Variants in NWD2 observed in about 807,000 individuals in gnomAD.
NWD2 encodes the protein NACHT and WD repeat domain containing 2.
In NWD2, 37 loss-of-function variants were observed where a neutral mutation model predicts 132.7. That is an observed-to-expected ratio of 0.28 (90% confidence interval 0.21 to 0.37). The LOEUF (loss-of-function observed/expected upper bound fraction) is 0.37. Ranked by LOEUF, NWD2 falls within the 10% of genes least tolerant of loss-of-function variation. NWD2 has a pLI of 1.00. For synonymous variants in NWD2, 705 were observed against 803.0 expected, an observed-to-expected ratio of 0.88 and a Z score of 2.06; for missense variants, 1,592 against 2,122.4, an observed-to-expected ratio of 0.75 and a Z score of 4.91.
chr4:37,294,268 A>T (rs904998874), intron 1 of NWD2, among the ~76,000 whole-genome samples: 14 of 152,292 alleles, frequency 9.2e-5, no homozygotes, highest in Non-Finnish European at 2.1e-4. Flanking sequence ...GGACATTTTT[A>T]TCTTTAATGT....
intron 3 of NWD2, among the ~76,000 whole-genome samples, chr4:37,358,604 C>G (rs1260912482): frequency 6.6e-6 from 1 of 152,090 alleles, no homozygotes; most frequent in Non-Finnish European, 1.5e-5. Context: ...AGCTGTGTGG[C>G]ACTGCAGGAG....
At chr4:37,250,613 T>C (rs1342988750) in intron 1 of NWD2, among the ~76,000 whole-genome samples, 6 of 152,342 alleles carry the variant, frequency 3.9e-5, no homozygotes, top group Admixed American at 2.0e-4. Flanking sequence ...TTATCATTAT[T>C]ATCTTTATTA....
At position 37,447,835 on chromosome 4, in the gene NWD2, C is replaced by A. The variant is rs1393066216; in HGVS notation, c.*618C>A. 2 of 152,416 alleles carry A rather than the reference C, an allele frequency of 1.3e-5. No individual in the cohort carries two copies. The highest frequency in any genetic ancestry group is 4.8e-5 in the African/African-American group (2 of 41,434). The allele number at this position is 152,416 out of a possible 1,614,324, so 9.4% of individuals were successfully genotyped here. A position where few individuals can be genotyped will look rare whatever the true frequency, so the allele number is the denominator to read the frequency against. Reference sequence around the variant, plus strand: ...ACTAACTACCACTATCATAGGGCTACTGAACATGGAGAGTCAGTCTTTATT... The same window carrying A: ...ACTAACTACCACTATCATAGGGCTAATGAACATGGAGAGTCAGTCTTTATT... On this transcript the variant is annotated 3_prime_UTR_variant, in exon 7 of 7. Transcript: ENST00000309447.
chr4:37,434,704 A>G (rs1712268506), intron 5 of NWD2, among the ~76,000 whole-genome samples: 1 of 152,124 alleles, frequency 6.6e-6, no homozygotes. Context: ...AGGGAGCAAC[A>G]GATTTAAGAT....
rs559620276 is a variant in NWD2, at chr4:37,379,709, T to C, written c.357+23227T>C. ...GTGGCTCTCAGGGAGGTTTTGTTTT[T>C]GTTTTGCCAAGGAACACTTTCATTA... On this transcript the variant is annotated intron_variant, in intron 3 of 6. Transcript: ENST00000309447. Among the ~76,000 whole-genome samples, 83 of 152,290 alleles carry C rather than the reference T, an allele frequency of 5.5e-4. 1 individual carries two copies. Among genetic ancestry groups the C allele is most frequent in the African/African-American group, 1.8e-3 (75 of 41,566 alleles).
intron 1 of NWD2, among the ~76,000 whole-genome samples, chr4:37,312,287 C>T (rs201742912): frequency 0.05 from 7,336 of 146,730 alleles, 749 homozygotes; most frequent in African/African-American, 0.17. Flanking sequence ...CATTTGTTTG[C>T]ATCCTCTTTT....
intron 3 of NWD2, among the ~76,000 whole-genome samples, chr4:37,360,074 G>A (rs1719949295): frequency 6.6e-6 from 1 of 152,130 alleles, no homozygotes; most frequent in African/African-American, 2.4e-5. Context: ...GGTTCTCAGG[G>A]AACAAGTCAC....
intron 3 of NWD2, among the ~76,000 whole-genome samples, chr4:37,376,107 C>T (rs1346413754): frequency 1.3e-5 from 2 of 152,086 alleles, no homozygotes; most frequent in South Asian, 4.1e-4. Context: ...TCATATAAAT[C>T]AAACTGCCTA....
At position 37,444,543 on chromosome 4, in the gene NWD2, A is replaced by G; in HGVS notation, c.2555A>G (p.Tyr852Cys). The change falls in exon 7 of 7, where the codon TAC becomes TGC. Residue 852 changes from tyrosine (Y) to cysteine (C), a missense_variant. Physicochemically the swap from Tyr to Cys is radical, Grantham distance 194 (BLOSUM62 -2). Around this residue, in one of 7 missense-constraint regions of NWD2, gnomAD observed 1,071 missense variants for 1,398.0 expected, o/e 0.77. Transcript: ENST00000309447. This position sits in a 1 kb window ranked among gnomAD's most constrained non-coding sequence, Gnocchi z 4.8. ...TRCGKTDDLL[Y>C]GIIMNFSWLY... ...TGTGGAAAAACCGATGACCTGCTTT[A>G]CGGCATCATCATGAACTTCAGCTGG... 1 of 1,551,800 alleles carries G rather than the reference A, an allele frequency of 6.4e-7. No homozygotes were observed. The highest frequency in any genetic ancestry group is 8.7e-7 in the Non-Finnish European group (1 of 1,147,050).
At position 37,444,301 on chromosome 4, in the gene NWD2, G is replaced by A. The variant is rs765061137; in HGVS notation, c.2313G>A (p.Arg771=). ...TTCTGGGGGTTTGGTCAGGGGGCAG[G>A]AGGAAAGCCTTCTGCCTTGAGGACC... ...DYFLGVWSGG[R]RKAFCLEDPY... The change falls in exon 7 of 7, where the codon AGG becomes AGA. Residue 771 remains arginine (R), a synonymous_variant. Coordinates refer to ENST00000309447, the MANE Select transcript of NWD2 (RefSeq NM_001144990.2). The surrounding 1 kb of genome is among the most constrained non-coding windows in gnomAD (Gnocchi z 4.8). 21 of 1,551,642 alleles carry A rather than the reference G, an allele frequency of 1.4e-5. No individual in the cohort carries two copies. The African/African-American group carries it at 2.3e-4, about 17-fold the overall frequency.
intron 1 of NWD2, among the ~76,000 whole-genome samples, chr4:37,250,124 G>GA (rs1717327721): frequency 6.7e-6 from 1 of 150,062 alleles, no homozygotes; most frequent in South Asian, 2.1e-4. Flanking sequence ...ATGAGTAGTG[G>GA]AAAAAATACA....
At chr4:37,316,158 G>A (rs1441540846) in intron 1 of NWD2, among the ~76,000 whole-genome samples, 2 of 151,914 alleles carry the variant, frequency 1.3e-5, no homozygotes, top group Non-Finnish European at 2.9e-5. Flanking sequence ...CTTTAGTATA[G>A]TCTATAATGC....
At chr4:37,348,685 C>CACAT (rs1263381534) in intron 2 of NWD2, among the ~76,000 whole-genome samples, 1 of 124,464 alleles carries the variant, frequency 8.0e-6, no homozygotes, top group Admixed American at 9.2e-5. Context: ...TACACACACA[C>CACAT]ACACACACAC....
At chr4:37,303,756 T>C (rs1227580196) in intron 1 of NWD2, among the ~76,000 whole-genome samples, 1 of 152,216 alleles carries the variant, frequency 6.6e-6, no homozygotes, top group Non-Finnish European at 1.5e-5. Flanking sequence ...ATAGAAACAC[T>C]ACTGATTTTT....
intron 1 of NWD2, among the ~76,000 whole-genome samples, chr4:37,245,776 G>T (rs1195809599): frequency 6.6e-6 from 1 of 152,158 alleles, no homozygotes; most frequent in Non-Finnish European, 1.5e-5. Flanking sequence ...ACCCTCTGTG[G>T]GTCCCGGAAC....
intron 1 of NWD2, among the ~76,000 whole-genome samples, chr4:37,264,817 T>C (rs1717715346): frequency 6.6e-6 from 1 of 152,150 alleles, no homozygotes; most frequent in Non-Finnish European, 1.5e-5. Flanking sequence ...TTTTTAAATA[T>C]TTTCACAACA....
At chr4:37,419,681 CTTTA>C (rs1711748474) in intron 3 of NWD2, among the ~76,000 whole-genome samples, 1 of 152,124 alleles carries the variant, frequency 6.6e-6, no homozygotes, top group African/African-American at 2.4e-5. Context: ...GTTGTTTATT[CTTTA>C]TTTCTCTGTT....
intron 3 of NWD2, among the ~76,000 whole-genome samples, chr4:37,370,369 G>A (rs1720193157): frequency 6.6e-6 from 1 of 152,088 alleles, no homozygotes. Context: ...ATATTTATAT[G>A]CCACCAGCAA....
intron 1 of NWD2, among the ~76,000 whole-genome samples, chr4:37,253,001 AC>A (rs11315442): frequency 0.19 from 26,371 of 136,312 alleles, 3,822 homozygotes; most frequent in African/African-American, 0.38. Context: ...AATTACCACA[AC>A]CCCCCCCCCT....
Sources: allele counts gnomAD v4.1 joint callset (sites outside exome capture counted in the v4.1 genomes callset), GRCh38; gene constraint gnomAD v4.1.1; regional missense constraint gnomAD v4.1.1; non-coding constraint Gnocchi (gnomAD v3.1); transcripts MANE v1.5; gene names NCBI Gene and HGNC (gene_info 2026-07-23, HGNC 2026-07-21).